SLIT2: variants seen among roughly 807,000 people sequenced by gnomAD.
SLIT2 encodes slit guidance ligand 2.
SLIT2 carries 41 observed loss-of-function variants against 185.7 expected under a neutral mutation model. That is an observed-to-expected ratio of 0.22 (90% CI 0.17 to 0.29). The LOEUF (loss-of-function observed/expected upper bound fraction) is 0.29. SLIT2 is among the 10% of genes least tolerant of loss of function. The probability of loss-of-function intolerance (pLI) is 1.00; values close to 1 mark genes in which losing one functional copy is unlikely to be tolerated. For missense variants in SLIT2, 1,571 were observed against 1,909.0 expected, an observed-to-expected ratio of 0.82 and a Z score of 3.30; for synonymous variants, 693 against 680.2, an observed-to-expected ratio of 1.02 and a Z score of -0.29.
At chr4:20,462,936 T>C (rs903626671) in intron 4 of SLIT2, among the ~76,000 whole-genome samples, 1 of 152,176 alleles carries the variant, frequency 6.6e-6, no homozygotes, top group Admixed American at 6.5e-5. Flanking sequence ...AGAATAATTA[T>C]AACATGTATG....
At chr4:20,531,485 CT>C (rs2148861909) in intron 16 of SLIT2, among the ~76,000 whole-genome samples, 1 of 152,230 alleles carries the variant, frequency 6.6e-6, no homozygotes, top group South Asian at 2.1e-4. Context: ...CCAGGAGTGA[CT>C]GGTAGTAAGT....
At chr4:20,503,187 G>A (rs1416721628) in intron 9 of SLIT2, among the ~76,000 whole-genome samples, 4 of 152,142 alleles carry the variant, frequency 2.6e-5, no homozygotes, top group Non-Finnish European at 5.9e-5. Context: ...GAAAAATTAT[G>A]TAGTTCATAT....
At chr4:20,342,671 A>C (rs1009938841) in intron 4 of SLIT2, among the ~76,000 whole-genome samples, 1 of 139,618 alleles carries the variant, frequency 7.2e-6, no homozygotes, top group African/African-American at 2.7e-5. Flanking sequence ...TAAAATAGAT[A>C]TCTTATAGTT....
chr4:20,291,904 CTGTGTGTGTGTGTGTG>C (rs35335088), intron 4 of SLIT2, among the ~76,000 whole-genome samples: 1 of 146,858 alleles, frequency 6.8e-6, no homozygotes, highest in Non-Finnish European at 1.5e-5. Flanking sequence ...CTGCACACCT[CTGTGTGTGTGTGTGTG>C]TGTGTGTGTG....
intron 9 of SLIT2, among the ~76,000 whole-genome samples, chr4:20,494,330 A>G (rs1369895263): frequency 6.6e-6 from 1 of 152,186 alleles, no homozygotes; most frequent in East Asian, 1.9e-4. Flanking sequence ...AGAAAAATAA[A>G]CCAGACTCTG....
intron 4 of SLIT2, among the ~76,000 whole-genome samples, chr4:20,353,341 T>A (rs1315608150): frequency 1.3e-5 from 2 of 152,202 alleles, no homozygotes; most frequent in Non-Finnish European, 2.9e-5. Context: ...GTTATTTTGT[T>A]CTGAACTTTA....
At chr4:20,435,315 C>G (rs1729272536) in intron 4 of SLIT2, among the ~76,000 whole-genome samples, 1 of 152,200 alleles carries the variant, frequency 6.6e-6, no homozygotes, top group Admixed American at 6.5e-5. Flanking sequence ...CCCCTGCATT[C>G]AAGGCACTAT....
intron 4 of SLIT2, among the ~76,000 whole-genome samples, chr4:20,341,133 G>A (rs564208187): frequency 6.6e-6 from 1 of 152,266 alleles, no homozygotes; most frequent in South Asian, 2.1e-4. Flanking sequence ...AAATGCTGAG[G>A]ACCTTGCACT....
chr4:20,392,338 A>T (rs896356061), intron 4 of SLIT2: 7 of 152,054 alleles, frequency 4.6e-5, no homozygotes, highest in African/African-American at 1.4e-4. Context: ...AGATTTTTTT[A>T]AAAAGGTACA....
chr4:20,292,463 T>C (rs1459187193), intron 4 of SLIT2, among the ~76,000 whole-genome samples: 1 of 152,078 alleles, frequency 6.6e-6, no homozygotes, highest in Non-Finnish European at 1.5e-5. Context: ...AGAGTAGCTT[T>C]CTGGGTGATA....
At chr4:20,602,606 T>G (rs1185853526) in intron 33 of SLIT2, among the ~76,000 whole-genome samples, 1 of 152,198 alleles carries the variant, frequency 6.6e-6, no homozygotes, top group East Asian at 1.9e-4. Context: ...TTTCTGATTC[T>G]GAAGCTCTTA....
intron 4 of SLIT2, among the ~76,000 whole-genome samples, chr4:20,374,269 A>G (rs180765991): frequency 3.3e-5 from 5 of 152,232 alleles, no homozygotes; most frequent in African/African-American, 1.2e-4. Flanking sequence ...TCAAAGTACT[A>G]TGAAGTGCAT....
intron 1 of SLIT2, chr4:20,255,022 C>G (rs556397233): frequency 3.9e-5 from 18 of 456,310 alleles, no homozygotes; most frequent in African/African-American, 8.0e-5. Context: ...GCATGGAGGC[C>G]GTTCTCTTTG....
intron 16 of SLIT2, among the ~76,000 whole-genome samples, chr4:20,529,731 A>G (rs1411989491): frequency 6.6e-6 from 1 of 152,214 alleles, no homozygotes; most frequent in Admixed American, 6.5e-5. Context: ...ATGCCCATGC[A>G]TGGTTTGCCT....
At chr4:20,332,837 A>G (rs959217030) in intron 4 of SLIT2, among the ~76,000 whole-genome samples, 21 of 152,152 alleles carry the variant, frequency 1.4e-4, no homozygotes, top group African/African-American at 4.6e-4. Flanking sequence ...AAGGACTTCA[A>G]AATGGTTCTT....
intron 26 of SLIT2, among the ~76,000 whole-genome samples, chr4:20,557,910 T>C (rs1724394638): frequency 6.6e-6 from 1 of 152,040 alleles, no homozygotes; most frequent in Non-Finnish European, 1.5e-5. Context: ...AAAACTTCAA[T>C]AGAGTAGGTA....
intron 33 of SLIT2, among the ~76,000 whole-genome samples, chr4:20,609,589 T>C (rs922502569): frequency 6.6e-6 from 1 of 152,244 alleles, no homozygotes; most frequent in African/African-American, 2.4e-5. Context: ...AGCAGTTGCC[T>C]AAGGTCGATG....
intron 36 of SLIT2, among the ~76,000 whole-genome samples, chr4:20,618,510 ATATT>A (rs754738872): frequency 2.6e-5 from 4 of 152,232 alleles, no homozygotes; most frequent in Non-Finnish European, 4.4e-5. Flanking sequence ...ATGAAAGAAA[ATATT>A]TAGGAATCCA....
chr4:20,552,038 A>G (rs929699151), intron 25 of SLIT2, among the ~76,000 whole-genome samples: 1 of 152,200 alleles, frequency 6.6e-6, no homozygotes, highest in Non-Finnish European at 1.5e-5. Context: ...CCAGGAAGGC[A>G]GAGCCTTTAC....
Sources: gnomAD v4.1 joint callset for allele counts (sites outside exome capture counted in the v4.1 genomes callset) on GRCh38, gnomAD v4.1.1 for gene constraint, MANE v1.5 for transcripts, NCBI Gene and HGNC (gene_info 2026-07-23, HGNC 2026-07-21) for gene names.